The following HDX variants were observed in gnomAD, a reference collection of about 807,000 sequenced individuals.
HDX encodes the protein chromosome X open reading frame 43.
A neutral mutation model predicts 45.2 loss-of-function variants in HDX; 19 were observed. The observed-to-expected ratio is 0.42, with a 90% CI of 0.29 to 0.62. The LOEUF (loss-of-function observed/expected upper bound fraction) is 0.62, where lower values mean the gene tolerates loss of function less well. Ranked by LOEUF, HDX falls within the 20% of genes least tolerant of loss-of-function variation. The pLI is 0.20. For synonymous variants in HDX, 188 were observed against 172.8 expected (o/e 1.09, Z -0.69); for missense variants, 532 against 493.9 (o/e 1.08, Z -0.73).
At chrX:84,401,676 TATC>T (rs1454892259) in intron 5 of HDX, among the ~76,000 whole-genome samples, 4 of 111,827 alleles carry the variant, frequency 3.6e-5, no homozygotes, top group Non-Finnish European at 7.5e-5. Context: ...GAATGAGAAA[TATC>T]ATTAGGCCCA....
chrX:84,425,628 G>GA, intron 5 of HDX, among the ~76,000 whole-genome samples: 1 of 111,715 alleles, frequency 9.0e-6, no homozygotes, highest in East Asian at 2.8e-4. Context: ...ATTCAGTAAT[G>GA]AAAAAAATGA....
chrX:84,397,144 T>C (rs1474867992), intron 5 of HDX, among the ~76,000 whole-genome samples: 1 of 112,377 alleles, frequency 8.9e-6, no homozygotes, highest in African/African-American at 3.2e-5. Context: ...TAAGGAATTC[T>C]GCCACTGCAT....
intron 5 of HDX, among the ~76,000 whole-genome samples, chrX:84,420,888 CA>C (rs753781445): frequency 6.3e-5 from 7 of 111,681 alleles, no homozygotes; most frequent in East Asian, 2.8e-4. Flanking sequence ...ACAACAACAA[CA>C]AAAAACTTTT....
chrX:84,494,175 A>T (rs1323489956), intron 1 of HDX, among the ~76,000 whole-genome samples: 1 of 111,913 alleles, frequency 8.9e-6, no homozygotes, highest in Non-Finnish European at 1.9e-5. Flanking sequence ...TATGACAGTG[A>T]TATATGGCAC....
At chrX:84,478,573 T>C (rs1448807068) in intron 2 of HDX, among the ~76,000 whole-genome samples, 1 of 112,243 alleles carries the variant, frequency 8.9e-6, no homozygotes, top group East Asian at 2.8e-4. Context: ...TAAGTATTCA[T>C]TACTGGAAAA....
At chrX:84,448,902 A>C (rs779364559) in intron 4 of HDX, among the ~76,000 whole-genome samples, 82 of 110,478 alleles carry the variant, frequency 7.4e-4, no homozygotes, top group Middle Eastern at 9.4e-3. Context: ...GAAATCAGAA[A>C]AACAATTCAG....
chrX:84,476,024 A>T (rs1200531993), intron 2 of HDX, among the ~76,000 whole-genome samples: 1 of 112,155 alleles, frequency 8.9e-6, no homozygotes, highest in Non-Finnish European at 1.9e-5. Flanking sequence ...ATAAAAATTT[A>T]AAATTATATA....
intron 5 of HDX, among the ~76,000 whole-genome samples, chrX:84,374,640 G>A (rs756200347): frequency 1.9e-5 from 2 of 106,443 alleles, no homozygotes; most frequent in African/African-American, 3.5e-5. Context: ...ACAAGCAATG[G>A]GGAAAGGATT....
chrX:84,354,782 T>A (rs906788891), intron 6 of HDX, among the ~76,000 whole-genome samples: 1 of 107,321 alleles, frequency 9.3e-6, no homozygotes, highest in African/African-American at 3.4e-5. Context: ...TCTTGCAAAT[T>A]CTGTTTCGGT....
intron 5 of HDX, among the ~76,000 whole-genome samples, chrX:84,427,588 TGTC>T (rs2148027329): frequency 9.0e-6 from 1 of 111,376 alleles, no homozygotes. Context: ...TTCCTTCACT[TGTC>T]ATGATTATGT....
At chrX:84,333,509 C>T (rs753354269) in intron 9 of HDX, among the ~76,000 whole-genome samples, 1 of 111,097 alleles carries the variant, frequency 9.0e-6, no homozygotes, top group South Asian at 3.8e-4. Context: ...TGACCAAGTA[C>T]TGCCTCCATC....
chrX:84,459,336 G>A, intron 4 of HDX, among the ~76,000 whole-genome samples: 1 of 110,059 alleles, frequency 9.1e-6, no homozygotes, highest in Non-Finnish European at 1.9e-5. Flanking sequence ...CAGCTGCTCG[G>A]GAGGCTGAGA....
chrX:84,406,976 A>G lies in HDX; in HGVS notation c.1305+33556T>C, dbSNP rs184102968. 2.8e-3 allele frequency among the ~76,000 whole-genome samples: 315 copies of G among 111,540 alleles called. 3 individuals are homozygous for G. The highest frequency in any genetic ancestry group is 9.6e-3 in the African/African-American group (295 of 30,833). On this transcript the variant is annotated intron_variant, in intron 5 of 10. Transcript: ENST00000373177. ...TTATGAAGCTGAAAGACAGCCAAAC[A>G]GAACTTATCACTTGATTGAATTTAT...
chrX:84,435,008 A>C (rs984241952), intron 5 of HDX, among the ~76,000 whole-genome samples: 1 of 110,425 alleles, frequency 9.1e-6, no homozygotes, highest in African/African-American at 3.3e-5. Context: ...GGTATCCAGT[A>C]TGACATCTCC....
intron 6 of HDX, among the ~76,000 whole-genome samples, chrX:84,345,461 C>T (rs112501703): frequency 0.024 from 2,646 of 111,197 alleles, 36 homozygotes; most frequent in Non-Finnish European, 0.037. Context: ...TTGTGTGTAT[C>T]GAGCCCATTC....
intron 5 of HDX, among the ~76,000 whole-genome samples, chrX:84,391,471 G>A (rs1168644007): frequency 5.0e-5 from 5 of 100,106 alleles, no homozygotes; most frequent in Admixed American, 2.3e-4. Context: ...TTCAGTATTA[G>A]GATTGCTGGA....
intron 4 of HDX, among the ~76,000 whole-genome samples, chrX:84,443,029 T>C (rs2039796071): frequency 9.0e-6 from 1 of 111,628 alleles, no homozygotes; most frequent in Non-Finnish European, 1.9e-5. Flanking sequence ...AAGCACATAG[T>C]ATGCAAATAT....
At chrX:84,460,309 C>T (rs928509806) in intron 4 of HDX, among the ~76,000 whole-genome samples, 1 of 111,447 alleles carries the variant, frequency 9.0e-6, no homozygotes, top group Non-Finnish European at 1.9e-5. Context: ...ACTAGCAAAT[C>T]GATCATAAGA....
intron 2 of HDX, among the ~76,000 whole-genome samples, chrX:84,476,276 A>G (rs1298804628): frequency 9.0e-6 from 1 of 111,166 alleles, no homozygotes; most frequent in Non-Finnish European, 1.9e-5. Context: ...GATTAAGTCA[A>G]TTTTGGGTTC....
Sources: allele counts gnomAD v4.1 joint callset (sites outside exome capture counted in the v4.1 genomes callset), GRCh38; gene constraint gnomAD v4.1.1; transcripts MANE v1.5; gene names NCBI Gene and HGNC (gene_info 2026-07-23, HGNC 2026-07-21).